COL25A1: variants seen among roughly 807,000 people sequenced by gnomAD.
The protein encoded by COL25A1 is collagen type XXV alpha 1 chain, also known as collagen alpha-1(XXV) chain.
In COL25A1, 103 loss-of-function variants were observed where a neutral mutation model predicts 128.4. The ratio of observed to expected loss-of-function variants is 0.80; its 90% CI spans 0.68 to 0.94. The LOEUF is 0.94. Among genes scored for constraint, COL25A1 ranks in the 40% least tolerant of loss-of-function variants. The pLI is 0.00. For missense variants in COL25A1, 745 were observed against 840.0 expected (o/e 0.89, Z 1.40); for synonymous variants, 279 against 277.2 (o/e 1.01, Z -0.06).
chr4:109,194,030 GT>G (rs762595767), intron 3 of COL25A1, among the ~76,000 whole-genome samples: 1 of 152,180 alleles, frequency 6.6e-6, no homozygotes, highest in Non-Finnish European at 1.5e-5. Flanking sequence ...AAAATAGACT[GT>G]GTGAAACAAG....
At chr4:108,843,291 C>A (rs1166731836) in intron 30 of COL25A1, among the ~76,000 whole-genome samples, 2 of 151,990 alleles carry the variant, frequency 1.3e-5, no homozygotes, top group African/African-American at 4.8e-5. Flanking sequence ...ACTGGCTATG[C>A]TCTTGGCTTA....
chr4:109,224,220 A>G (rs1310816361), intron 3 of COL25A1, among the ~76,000 whole-genome samples: 1 of 152,208 alleles, frequency 6.6e-6, no homozygotes, highest in Non-Finnish European at 1.5e-5. Flanking sequence ...AGGAGAAAAA[A>G]GTAATCAAAT....
chr4:108,886,492 G>GTTTTTTTTTT (rs535762905), intron 18 of COL25A1, among the ~76,000 whole-genome samples: 10 of 109,272 alleles, frequency 9.2e-5, no homozygotes, highest in Admixed American at 2.7e-4. Flanking sequence ...GTGTGTGTGT[G>GTTTTTTTTTT]TTTAGCTCAT....
chr4:109,214,379 T>C (rs1777820831), intron 3 of COL25A1, among the ~76,000 whole-genome samples: 1 of 152,122 alleles, frequency 6.6e-6, no homozygotes, highest in Non-Finnish European at 1.5e-5. Context: ...TACTATTTTA[T>C]ATACATGGTC....
chr4:109,010,458 T>C, intron 5 of COL25A1, 83 bp from the exon 6 acceptor site: 1 of 936,608 alleles, frequency 1.1e-6, no homozygotes, highest in Admixed American at 3.0e-5. Context: ...AAACTAGTTC[T>C]GGAAATATTC....
chr4:108,987,578 C>T (rs923176622), intron 6 of COL25A1, among the ~76,000 whole-genome samples: 1 of 151,864 alleles, frequency 6.6e-6, no homozygotes, highest in Non-Finnish European at 1.5e-5. Context: ...GTTTCACCAT[C>T]TTGGCCAGGC....
intron 5 of COL25A1, among the ~76,000 whole-genome samples, chr4:109,046,135 T>C (rs1379508409): frequency 6.6e-6 from 1 of 152,216 alleles, no homozygotes; most frequent in Non-Finnish European, 1.5e-5. Flanking sequence ...AATTAACCTC[T>C]ATGAGCCTCA....
chr4:109,058,111 G>C (rs1761616646), intron 3 of COL25A1, among the ~76,000 whole-genome samples: 1 of 152,112 alleles, frequency 6.6e-6, no homozygotes, highest in South Asian at 2.1e-4. Flanking sequence ...CATAGAAACT[G>C]TTCAAGACTA....
intron 3 of COL25A1, among the ~76,000 whole-genome samples, chr4:109,182,111 T>G (rs1197743624): frequency 6.6e-6 from 1 of 152,142 alleles, no homozygotes; most frequent in Non-Finnish European, 1.5e-5. Context: ...GACAGACACT[T>G]AAGTTGATTC....
intron 8 of COL25A1, among the ~76,000 whole-genome samples, chr4:108,970,522 C>A (rs1260456405): frequency 6.6e-6 from 1 of 152,148 alleles, no homozygotes; most frequent in Non-Finnish European, 1.5e-5. Flanking sequence ...CTATATCAGG[C>A]TAATTAACAT....
intron 3 of COL25A1, among the ~76,000 whole-genome samples, chr4:109,256,397 A>C (rs1264805376): frequency 6.6e-6 from 1 of 152,130 alleles, no homozygotes; most frequent in East Asian, 1.9e-4. Flanking sequence ...CAGCAGAATG[A>C]AAGTGCACAG....
intron 13 of COL25A1, among the ~76,000 whole-genome samples, chr4:108,906,850 A>G (rs186101645): frequency 1.1e-4 from 16 of 152,296 alleles, no homozygotes; most frequent in African/African-American, 3.8e-4. Context: ...TGTTCAGTAC[A>G]TCAGTGTTAG....
At position 108,980,393 on chromosome 4, in the gene COL25A1, T is replaced by C. The variant is rs189104085; in HGVS notation, c.439-5834A>G. Among the ~76,000 whole-genome samples the C allele has an allele frequency of 2.4e-3, 373 of 152,300 alleles. 2 individuals are homozygous for C. Among genetic ancestry groups the C allele is most frequent in the African/African-American group, 8.4e-3 (348 of 41,554 alleles). ...ACAGGTGTCAACATGTTTTAACAAGTCCTACTTATTTCAAGGTTCACAATT... is the reference window on the plus strand; with the variant it reads ...ACAGGTGTCAACATGTTTTAACAAGCCCTACTTATTTCAAGGTTCACAATT... On this transcript the variant is annotated intron_variant, in intron 6 of 37. Coordinates refer to ENST00000399132, the MANE Select transcript of COL25A1 (RefSeq NM_198721.4).
intron 3 of COL25A1, among the ~76,000 whole-genome samples, chr4:109,284,707 CT>C (rs2126278450): frequency 6.6e-6 from 1 of 152,184 alleles, no homozygotes; most frequent in Admixed American, 6.6e-5. Flanking sequence ...GCAAAGGAAG[CT>C]GGAAATTTAT....
In COL25A1 at chr4:109,021,169, G is replaced by T. The variant is rs115884988; in HGVS notation, c.421-10794C>A. Among the ~76,000 whole-genome samples the T allele has an allele frequency of 4.8e-3, 737 of 152,286 alleles. 5 individuals carry two copies. Among genetic ancestry groups the T allele is most frequent in the African/African-American group, 0.017 (721 of 41,568 alleles). On this transcript the variant is annotated intron_variant, in intron 5 of 37. Transcript: ENST00000399132. ...TGTATTTTTATGTCATATCATGTCT[G>T]CGGAATGCTCATCTGTGTCTCCTGT... is the stretch of plus-strand genomic sequence containing the variant.
At chr4:108,885,571 C>G (rs1180093251) in intron 18 of COL25A1, among the ~76,000 whole-genome samples, 2 of 152,116 alleles carry the variant, frequency 1.3e-5, no homozygotes, top group Admixed American at 1.3e-4. Flanking sequence ...AAATTTCACA[C>G]AGATATAACA....
rs1381817578 is a variant in COL25A1 at position 108,974,676 on chromosome 4, G to A, written c.439-117C>T. 9 of 833,882 alleles carry A rather than the reference G, an allele frequency of 1.1e-5. No homozygotes were observed. In the Admixed American group the frequency reaches 2.3e-4, roughly 22 times the overall value. 51.7% of individuals were successfully genotyped at this position (833,882 alleles called of 1,614,324 possible). ...GAATACAGAGATAGCTGTCAATGAG[G>A]TTTCTCAAGAAATTTTGGTTTCTAA... On this transcript the variant is annotated intron_variant, in intron 6 of 37. Transcript: ENST00000399132.
At chr4:109,172,032 C>T (rs1043109192) in intron 3 of COL25A1, among the ~76,000 whole-genome samples, 2 of 152,132 alleles carry the variant, frequency 1.3e-5, no homozygotes, top group African/African-American at 4.8e-5. Context: ...ACAATCGTTC[C>T]AGGCATTTTA....
chr4:109,095,551 G>A (rs151217335), intron 3 of COL25A1, among the ~76,000 whole-genome samples: 5 of 152,284 alleles, frequency 3.3e-5, no homozygotes, highest in African/African-American at 1.2e-4. Flanking sequence ...CAGCCAGTAT[G>A]TCAGGGTCCA....
Sources: gnomAD v4.1 joint callset for allele counts (sites outside exome capture counted in the v4.1 genomes callset) on GRCh38, gnomAD v4.1.1 for gene constraint, MANE v1.5 for transcripts, NCBI Gene and HGNC (gene_info 2026-07-23, HGNC 2026-07-21) for gene names.